The following CNTNAP5 variants were observed in gnomAD, a reference collection of about 807,000 sequenced individuals.
The protein encoded by CNTNAP5 is contactin associated protein family member 5.
A neutral mutation model predicts 150.2 loss-of-function variants in CNTNAP5; 72 were observed. The ratio of observed to expected loss-of-function variants is 0.48; its 90% CI spans 0.40 to 0.58. The LOEUF (loss-of-function observed/expected upper bound fraction) is 0.58. CNTNAP5 is among the 20% of genes least tolerant of loss of function. The probability of loss-of-function intolerance (pLI) is 0.00; values close to 1 mark genes in which losing one functional copy is unlikely to be tolerated. For synonymous variants in CNTNAP5, 672 were observed against 619.8 expected (o/e 1.08, Z -1.25); for missense variants, 1,636 against 1,626.2 (o/e 1.01, Z -0.10).
chr2:124,264,765 G>A (rs1434692488), intron 3 of CNTNAP5, among the ~76,000 whole-genome samples: 1 of 152,226 alleles, frequency 6.6e-6, no homozygotes, highest in African/African-American at 2.4e-5. Context: ...AGAACAGACA[G>A]ACAGCCGACA....
At chr2:124,428,057 C>T (rs904719280) in intron 4 of CNTNAP5, among the ~76,000 whole-genome samples, 1 of 152,192 alleles carries the variant, frequency 6.6e-6, no homozygotes, top group Non-Finnish European at 1.5e-5. Context: ...AGTTTGATTC[C>T]TGATAGATCC....
chr2:124,328,719 T>C lies in CNTNAP5; in HGVS notation c.381+86326T>C, dbSNP rs144304481. Among the ~76,000 whole-genome samples the C allele has an allele frequency of 6.8e-3, 1,030 of 152,240 alleles. 9 individuals are homozygous for C. Among genetic ancestry groups the C allele is most frequent in the East Asian group, 0.031 (158 of 5,172 alleles). ...TAATAGGATGGGGTGAGATAAGTAG[T>C]TCTTTAACAGATATACAAAAGAAAG... On this transcript the variant is annotated intron_variant, in intron 3 of 23. Coordinates refer to ENST00000682447, the MANE Select transcript of CNTNAP5 (RefSeq NM_001367498.1).
chr2:124,139,263 AACACACACACAC>A (rs3063402), intron 1 of CNTNAP5, among the ~76,000 whole-genome samples: 4 of 149,198 alleles, frequency 2.7e-5, no homozygotes, highest in Non-Finnish European at 6.0e-5. Flanking sequence ...TTTCTACCCC[AACACACACACAC>A]ACACACACAC....
At chr2:124,650,118 T>A (rs1370018890) in intron 13 of CNTNAP5, among the ~76,000 whole-genome samples, 3 of 152,164 alleles carry the variant, frequency 2.0e-5, no homozygotes, top group Non-Finnish European at 4.4e-5. Flanking sequence ...CATATTTTTG[T>A]GCATGAGGGT....
intron 10 of CNTNAP5, among the ~76,000 whole-genome samples, chr2:124,541,386 T>C (rs1316397371): frequency 6.6e-6 from 1 of 151,866 alleles, no homozygotes; most frequent in African/African-American, 2.4e-5. Context: ...ATTCTAATAG[T>C]ATATAGGCTA....
In CNTNAP5 at chr2:124,762,184, T is replaced by A. The variant is rs183637538; in HGVS notation, c.2235-1488T>A. On this transcript the variant is annotated intron_variant, in intron 14 of 23. Transcript: ENST00000682447. ...CTTTCAAGCTGAGACAAAAGCCTTATTCTATATCCTTTGAATGGCCTCTAA... is the reference window on the plus strand; with the variant it reads ...CTTTCAAGCTGAGACAAAAGCCTTAATCTATATCCTTTGAATGGCCTCTAA... Among the ~76,000 whole-genome samples the A allele has an allele frequency of 2.4e-4, 36 of 152,294 alleles. No individual in the cohort carries two copies. In the East Asian group the frequency reaches 6.9e-3, roughly 29 times the overall value.
At chr2:124,456,468 A>G (rs1326938789) in intron 6 of CNTNAP5, among the ~76,000 whole-genome samples, 2 of 152,200 alleles carry the variant, frequency 1.3e-5, no homozygotes, top group Non-Finnish European at 2.9e-5. Flanking sequence ...GGGTAGAATC[A>G]ATATTGTGAA....
chr2:124,185,061 G>A lies in CNTNAP5; in HGVS notation c.83-36644G>A, dbSNP rs115529048. 2.0e-5 allele frequency among the ~76,000 whole-genome samples: 3 copies of A among 152,146 alleles called. No individual in the cohort carries two copies. The East Asian group carries it at 5.8e-4, about 29-fold the overall frequency. ...CTTCTATCTACATCACAATGGCTTTGCAGTCAGGAAACAGTTATCATTAAC... is the reference window on the plus strand; with the variant it reads ...CTTCTATCTACATCACAATGGCTTTACAGTCAGGAAACAGTTATCATTAAC... On this transcript the variant is annotated intron_variant, in intron 1 of 23. Coordinates refer to ENST00000682447, the MANE Select transcript of CNTNAP5 (RefSeq NM_001367498.1).
chr2:124,739,807 G>A (rs1418944219), intron 13 of CNTNAP5, among the ~76,000 whole-genome samples: 8 of 151,830 alleles, frequency 5.3e-5, no homozygotes, highest in African/African-American at 1.9e-4. Context: ...CTGTTCCCAC[G>A]ACCCCTGGTG....
At chr2:124,031,559 G>A (rs1016556408) in intron 1 of CNTNAP5, among the ~76,000 whole-genome samples, 2 of 152,144 alleles carry the variant, frequency 1.3e-5, no homozygotes, top group African/African-American at 4.8e-5. Context: ...TGCAGCTATA[G>A]AAGCTTTCAT....
chr2:124,272,316 G>T (rs1038764906), intron 3 of CNTNAP5, among the ~76,000 whole-genome samples: 2 of 152,054 alleles, frequency 1.3e-5, no homozygotes, highest in Non-Finnish European at 2.9e-5. Flanking sequence ...TATGAAGTAG[G>T]TACTTTTTCT....
At chr2:124,259,229 T>C (rs1687392570) in intron 3 of CNTNAP5, among the ~76,000 whole-genome samples, 1 of 152,170 alleles carries the variant, frequency 6.6e-6, no homozygotes, top group Non-Finnish European at 1.5e-5. Context: ...GGTGTATATG[T>C]GCCACATTTT....
chr2:124,337,138 T>G (rs1238105761), intron 3 of CNTNAP5, among the ~76,000 whole-genome samples: 2 of 152,332 alleles, frequency 1.3e-5, no homozygotes, highest in African/African-American at 4.8e-5. Flanking sequence ...ATGATGAGCA[T>G]TTTTTCATGT....
intron 12 of CNTNAP5, among the ~76,000 whole-genome samples, chr2:124,624,447 T>C (rs1677678287): frequency 6.6e-6 from 1 of 152,242 alleles, no homozygotes; most frequent in Non-Finnish European, 1.5e-5. Flanking sequence ...ATCTTCTCAT[T>C]TATGTATTCA....
Position 124,915,670 on chromosome 2 carries a change from G to C in CNTNAP5, c.*1382G>C, listed in dbSNP as rs1177486260. On this transcript the variant is annotated 3_prime_UTR_variant, in exon 24 of 24. Coordinates refer to ENST00000682447, the MANE Select transcript of CNTNAP5 (RefSeq NM_001367498.1). ...TTATAGGCTTAAACTCCCAAAAGAG[G>C]TGGTGACAAATTTCAGGGTCTTTGT... Among the ~76,000 whole-genome samples, 1 of 152,004 alleles carries C rather than the reference G, an allele frequency of 6.6e-6. No individual in the cohort carries two copies. The highest frequency in any genetic ancestry group is 6.6e-5 in the Admixed American group (1 of 15,236).
chr2:124,224,743 T>C (rs1376809439), intron 2 of CNTNAP5, among the ~76,000 whole-genome samples: 1 of 152,094 alleles, frequency 6.6e-6, no homozygotes, highest in Non-Finnish European at 1.5e-5. Flanking sequence ...AGTCATTATA[T>C]TAATGCTATT....
intron 5 of CNTNAP5, among the ~76,000 whole-genome samples, chr2:124,440,402 G>T (rs1438597267): frequency 6.6e-6 from 1 of 151,946 alleles, no homozygotes; most frequent in South Asian, 2.1e-4. Context: ...TTTTTCTCAG[G>T]CTGTCTGAAA....
Position 124,028,367 on chromosome 2 carries a change from G to A in CNTNAP5, c.82+2635G>A, listed in dbSNP as rs138269866. On this transcript the variant is annotated intron_variant, in intron 1 of 23. Transcript: ENST00000682447. ...ATTTCTCATAATCTGACCGAAACCT[G>A]GGCTTTTAACTTCAAAGGAAAGATG... Among the ~76,000 whole-genome samples the A allele has an allele frequency of 1.3e-3, 200 of 151,964 alleles. 1 individual carries two copies. The highest frequency in any genetic ancestry group is 4.5e-3 in the African/African-American group (188 of 41,468).
chr2:124,368,277 A>T (rs1690426433), intron 3 of CNTNAP5, among the ~76,000 whole-genome samples: 1 of 152,190 alleles, frequency 6.6e-6, no homozygotes, highest in Non-Finnish European at 1.5e-5. Context: ...CACAAAAATG[A>T]AACTATGCTG....
Sources: gnomAD v4.1 joint callset for allele counts (sites outside exome capture counted in the v4.1 genomes callset) on GRCh38, gnomAD v4.1.1 for gene constraint, MANE v1.5 for transcripts, NCBI Gene and HGNC (gene_info 2026-07-23, HGNC 2026-07-21) for gene names.